NDUFV3: variants seen among roughly 807,000 people sequenced by gnomAD.
The protein encoded by NDUFV3 is NADH dehydrogenase [ubiquinone] flavoprotein 3, mitochondrial.
A neutral mutation model predicts 37.5 loss-of-function variants in NDUFV3; 44 were observed. The observed-to-expected ratio is 1.17, with a 90% CI of 0.92 to 1.51. The LOEUF is 1.51. NDUFV3 is among the 40% of genes most tolerant of loss of function. NDUFV3 has a pLI of 0.00. For missense variants in NDUFV3, 580 were observed against 580.4 expected (o/e 1.00, Z 0.01); for synonymous variants, 235 against 239.3 (o/e 0.98, Z 0.17).
chr21:42,893,614 A>G (rs1253280885), intron 1 of NDUFV3, among the ~76,000 whole-genome samples: 1 of 152,158 alleles, frequency 6.6e-6, no homozygotes, highest in Non-Finnish European at 1.5e-5. Flanking sequence ...CCGCTGCCCG[A>G]GGCCCAGGCC....
At position 42,896,981 on chromosome 21, in the gene NDUFV3, TCTGC is replaced by T. The variant is rs761270763; in HGVS notation, c.104_107del (p.Ser35TrpfsTer23). ...AGGACTTGCTTCTACGGTTTCTTTG[TCTGC>T]GGAATCAGGGAAGAGTGAAAAGGGT... is the stretch of plus-strand genomic sequence containing the variant. On this transcript the variant is annotated frameshift_variant, in exon 2 of 4. Coordinates refer to ENST00000354250, the MANE Select transcript of NDUFV3 (RefSeq NM_021075.4). LOFTEE classifies it high-confidence loss of function. 22 of 1,614,120 alleles carry T rather than the reference TCTGC, an allele frequency of 1.4e-5. No individual in the cohort carries two copies. The African/African-American group carries it at 2.5e-4, about 19-fold the overall frequency.
At chr21:42,907,169 T>TCAGG in intron 3 of NDUFV3, among the ~76,000 whole-genome samples, 1 of 152,306 alleles carries the variant, frequency 6.6e-6, no homozygotes, top group East Asian at 1.9e-4. Flanking sequence ...TTCTTTTGCC[T>TCAGG]CAACCCCTAC....
rs66493713 is a variant in NDUFV3 at position 42,911,439 on chromosome 21, C to CTTTTTTT, written c.*2443_*2449dup. The CTTTTTTT allele has an allele frequency of 2.8e-4, 19 of 67,602 alleles. 2 individuals are homozygous for CTTTTTTT. Among genetic ancestry groups the CTTTTTTT allele is most frequent in the African/African-American group, 1.0e-3 (14 of 13,542 alleles). 4.2% of individuals were successfully genotyped at this position (67,602 alleles called of 1,614,324 possible). A position where few individuals can be genotyped will look rare whatever the true frequency, so the allele number is the denominator to read the frequency against. ...CTAAAATCCACTATGCTAACCCACC[C>CTTTTTTT]TTTTTTTTTTTTTTTTTTTTTTTTT... On this transcript the variant is annotated 3_prime_UTR_variant, in exon 4 of 4. Transcript: ENST00000354250.
At chr21:42,894,661 C>G (rs1042651042) in intron 1 of NDUFV3, among the ~76,000 whole-genome samples, 1 of 145,046 alleles carries the variant, frequency 6.9e-6, no homozygotes, top group Non-Finnish European at 1.5e-5. Context: ...TGGGATTAAG[C>G]GACTCTCGTG....
At position 42,903,921 on chromosome 21, in the gene NDUFV3, G is replaced by T. The variant is rs202091141; in HGVS notation, c.909G>T (p.Pro303=). Residue 303 remains proline (P), a synonymous_variant, in exon 3 of 4, where the codon CCG becomes CCT. Transcript: ENST00000354250. ...VHTKSGLSAP[P]KGSPAPAVLA... is the part of the protein sequence containing the mutation. ...CAAAATCAGGGTTGTCTGCGCCACC[G>T]AAGGGCAGCCCAGCGCCTGCTGTGT... 1 of 1,611,842 alleles carries T rather than the reference G, an allele frequency of 6.2e-7. No homozygotes were observed. The highest frequency in any genetic ancestry group is 1.3e-5 in the African/African-American group (1 of 74,786).
intron 1 of NDUFV3, 147 bp downstream of exon 1, chr21:42,893,528 G>A: frequency 2.2e-6 from 2 of 907,196 alleles, no homozygotes; most frequent in Non-Finnish European, 3.3e-6. Context: ...CCTGGGCCCA[G>A]GACTGACCGC....
intron 2 of NDUFV3, among the ~76,000 whole-genome samples, chr21:42,898,249 G>T (rs577371708): frequency 6.6e-6 from 1 of 152,050 alleles, no homozygotes; most frequent in Non-Finnish European, 1.5e-5. Context: ...CTCCTGCCTC[G>T]TTTTTCAATC....
rs372066085 is a variant in NDUFV3 at position 42,907,311 on chromosome 21, C to T, written c.1265-1553C>T. Among the ~76,000 whole-genome samples, 27 of 152,264 alleles carry T rather than the reference C, an allele frequency of 1.8e-4. 1 individual carries two copies. The South Asian group carries it at 2.1e-3, about 12-fold the overall frequency. ...CAAAAAAAATTTTTTATTTGACAGA[C>T]GTGCTCTGTCCCACAGGCTGGAGTG... On this transcript the variant is annotated intron_variant, in intron 3 of 3. Transcript: ENST00000354250.
At chr21:42,894,481 T>TA (rs1406108736) in intron 1 of NDUFV3, among the ~76,000 whole-genome samples, 1 of 63,546 alleles carries the variant, frequency 1.6e-5, no homozygotes, top group Non-Finnish European at 2.8e-5. Flanking sequence ...TATTATATAT[T>TA]TATATATTTA....
At chr21:42,906,881 T>C in intron 3 of NDUFV3, 1 of 518,942 alleles carries the variant, frequency 1.9e-6, no homozygotes, top group South Asian at 1.4e-5. Flanking sequence ...TTGTGGAGAT[T>C]GGAAGGATGC....
At chr21:42,897,625 G>A (rs980107427) in intron 2 of NDUFV3, among the ~76,000 whole-genome samples, 3 of 152,078 alleles carry the variant, frequency 2.0e-5, no homozygotes, top group Admixed American at 6.6e-5. Flanking sequence ...CACCCGCCTC[G>A]GCCTCCCAAA....
rs756048551 is a variant in NDUFV3 at position 42,893,494 on chromosome 21, CTA to C, written c.48+114_48+115del. The stretch of plus-strand genomic sequence containing the variant: ...GGCCTGTCCGCGACCTCTAGCCGTC[CTA>C]GTTGGGCCGCTGACCCCGCTCCCTG... On this transcript the variant is annotated intron_variant, in intron 1 of 3. Transcript: ENST00000354250. 1,168 of 1,244,588 alleles carry C rather than the reference CTA, an allele frequency of 9.4e-4. 1 individual carries two copies. Among genetic ancestry groups the C allele is most frequent in the Non-Finnish European group, 1.2e-3 (1,041 of 891,012 alleles). 77.1% of individuals were successfully genotyped at this position (1,244,588 alleles called of 1,614,324 possible). A position where few individuals can be genotyped will look rare whatever the true frequency, so the allele number is the denominator to read the frequency against.
At chr21:42,896,872 C>G in intron 1 of NDUFV3, 55 bp from the exon 2 acceptor site, 2 of 1,545,694 alleles carry the variant, frequency 1.3e-6, no homozygotes, top group South Asian at 1.1e-5. Context: ...TATATAGTAC[C>G]AGCTATTATA....
intron 2 of NDUFV3, among the ~76,000 whole-genome samples, 156 bp downstream of exon 2, chr21:42,897,203 A>G (rs917294159): frequency 5.3e-5 from 8 of 152,214 alleles, no homozygotes; most frequent in Admixed American, 4.6e-4. Flanking sequence ...GATCTATAAC[A>G]GATTTTAGAC....
intron 2 of NDUFV3, among the ~76,000 whole-genome samples, chr21:42,898,798 A>T (rs2058705906): frequency 6.6e-6 from 1 of 152,144 alleles, no homozygotes; most frequent in African/African-American, 2.4e-5. Flanking sequence ...ACATTCTCTA[A>T]ATGTTTACTG....
Position 42,903,467 on chromosome 21 carries a change from C to T in NDUFV3, c.455C>T (p.Ser152Leu), listed in dbSNP as rs766771924. The T allele has an allele frequency of 7.2e-5, 116 of 1,614,078 alleles. No individual in the cohort carries two copies. The East Asian group carries it at 2.5e-3, about 35-fold the overall frequency. The change falls in exon 3 of 4, where the codon TCG becomes TTG. Residue 152 changes from serine (S) to leucine (L), a missense_variant. Coordinates refer to ENST00000354250, the MANE Select transcript of NDUFV3 (RefSeq NM_021075.4). ...GTGGGTCGGAAAGTGACGTCGCCTTCGTCTTCATCCTCTTCCAGCTCCTCT... is the reference window on the plus strand; with the variant it reads ...GTGGGTCGGAAAGTGACGTCGCCTTTGTCTTCATCCTCTTCCAGCTCCTCT... ...RQVGRKVTSP[S>L]SSSSSSSSDS...
Position 42,904,177 on chromosome 21 carries a change from C to A in NDUFV3, c.1165C>A (p.His389Asn). 1 of 1,614,168 alleles carries A rather than the reference C, an allele frequency of 6.2e-7. No individual in the cohort carries two copies. The highest frequency in any genetic ancestry group is 8.5e-7 in the Non-Finnish European group (1 of 1,180,022). The change falls in exon 3 of 4, where the codon CAC becomes AAC. Residue 389 changes from histidine to asparagine, a missense_variant. Coordinates refer to ENST00000354250, the MANE Select transcript of NDUFV3 (RefSeq NM_021075.4). Reference sequence around the variant, plus strand: ...GGAGACAGTTCCTGTTGAGAATAACCACGGTTTCCATGAAAAGACAGCAGC... The same window carrying A: ...GGAGACAGTTCCTGTTGAGAATAACAACGGTTTCCATGAAAAGACAGCAGC... ...NLETVPVENN[H>N]GFHEKTAALK...
chr21:42,903,631 G>A lies in NDUFV3; in HGVS notation c.619G>A (p.Glu207Lys). The change falls in exon 3 of 4, where the codon GAG becomes AAG. Residue 207 changes from glutamate (E) to lysine (K), a missense_variant. By Grantham distance (56) the Glu-to-Lys change is moderately conservative. Coordinates refer to ENST00000354250, the MANE Select transcript of NDUFV3 (RefSeq NM_021075.4). ...CCCCCGAGTTACAGTATCAGCAAAAGAGAAAACCTTGCTGCAGAAGCCGCA... is the reference window on the plus strand; with the variant it reads ...CCCCCGAGTTACAGTATCAGCAAAAAAGAAAACCTTGCTGCAGAAGCCGCA... Reference protein sequence around the residue: ...RAPRVTVSAKEKTLLQKPHVD... With the variant: ...RAPRVTVSAKKKTLLQKPHVD... 6.2e-7 allele frequency: 1 copy of A among 1,614,018 alleles called. No homozygotes were observed. Among genetic ancestry groups the A allele is most frequent in the Non-Finnish European group, 8.5e-7 (1 of 1,180,016 alleles).
intron 1 of NDUFV3, among the ~76,000 whole-genome samples, chr21:42,894,368 ATATT>A (rs1339073678): frequency 7.9e-5 from 2 of 25,236 alleles, no homozygotes; most frequent in Non-Finnish European, 1.3e-4. Flanking sequence ...TATTATATAT[ATATT>A]TATATAATAT....
Sources: allele counts gnomAD v4.1 joint callset (sites outside exome capture counted in the v4.1 genomes callset), GRCh38; gene constraint gnomAD v4.1.1; transcripts MANE v1.5; gene names NCBI Gene and HGNC (gene_info 2026-07-23, HGNC 2026-07-21).